Variants in HHAT observed in about 807,000 individuals in gnomAD.
HHAT encodes protein-cysteine N-palmitoyltransferase HHAT.
A neutral mutation model predicts 70.8 loss-of-function variants in HHAT; 47 were observed. The observed-to-expected ratio is 0.66, with a 90% CI of 0.53 to 0.85. HHAT has a LOEUF of 0.85. Among genes scored for constraint, HHAT ranks in the 40% least tolerant of loss-of-function variants. The pLI, the probability that HHAT is intolerant of heterozygous loss-of-function variation, is 0.00. For synonymous variants in HHAT, 228 were observed against 247.6 expected, an observed-to-expected ratio of 0.92 and a Z score of 0.74; for missense variants, 609 against 604.8, an observed-to-expected ratio of 1.01 and a Z score of -0.07.
chr1:210,370,681 C>T (rs2089488044), intron 3 of HHAT, among the ~76,000 whole-genome samples: 1 of 129,514 alleles, frequency 7.7e-6, no homozygotes, highest in Non-Finnish European at 1.5e-5. Context: ...GTGACATGAT[C>T]TTGGCTCACT....
chr1:210,515,757 C>CAAAA (rs34971563), intron 9 of HHAT, among the ~76,000 whole-genome samples: 84 of 80,210 alleles, frequency 1.0e-3, no homozygotes, highest in South Asian at 1.8e-3. Context: ...GACTCCGTCT[C>CAAAA]AAAAAAAAAA....
At chr1:210,503,772 C>T (rs923710823) in intron 8 of HHAT, among the ~76,000 whole-genome samples, 3 of 150,680 alleles carry the variant, frequency 2.0e-5, no homozygotes, top group South Asian at 2.1e-4. Flanking sequence ...TCAAAGTTGC[C>T]GGTGACCTTT....
At chr1:210,361,630 C>T (rs550547051) in intron 2 of HHAT, among the ~76,000 whole-genome samples, 2 of 152,110 alleles carry the variant, frequency 1.3e-5, no homozygotes, top group African/African-American at 4.8e-5. Flanking sequence ...ACAGCACTCT[C>T]TCCTGGGTTT....
intron 9 of HHAT, among the ~76,000 whole-genome samples, chr1:210,551,603 C>T (rs918561791): frequency 2.0e-5 from 3 of 152,148 alleles, no homozygotes; most frequent in African/African-American, 7.2e-5. Context: ...ATCAAAATGA[C>T]AGGAATCTTC....
At position 210,670,056 on chromosome 1, in the gene HHAT, G is replaced by C. The variant is rs185427006; in HGVS notation, c.1391-4232G>C. On this transcript the variant is annotated intron_variant, in intron 11 of 11. Coordinates refer to ENST00000261458, the MANE Select transcript of HHAT (RefSeq NM_018194.6). ...GGGGAGGAAGTCAGAGTTTGTCAGG[G>C]CAGAACCCTTTTTGACACCAACTTT... Among the ~76,000 whole-genome samples the C allele has an allele frequency of 1.1e-4, 16 of 152,280 alleles. No individual in the cohort carries two copies. The East Asian group carries it at 2.1e-3, about 20-fold the overall frequency.
At chr1:210,595,812 T>C (rs546079415) in intron 10 of HHAT, among the ~76,000 whole-genome samples, 42 of 152,298 alleles carry the variant, frequency 2.8e-4, no homozygotes, top group African/African-American at 1.0e-3. Flanking sequence ...TTGATGGGGT[T>C]GTTTGTTTTT....
At chr1:210,396,406 C>G (rs538575467) in intron 4 of HHAT, among the ~76,000 whole-genome samples, 96 of 152,280 alleles carry the variant, frequency 6.3e-4, no homozygotes, top group African/African-American at 2.2e-3. Context: ...TACACACTTA[C>G]CAGAATGGCT....
intron 9 of HHAT, among the ~76,000 whole-genome samples, chr1:210,531,811 G>T (rs79202022): frequency 0.037 from 5,598 of 152,080 alleles, 324 homozygotes; most frequent in African/African-American, 0.12. Context: ...CGACATAACT[G>T]TAACTAACAG....
intron 3 of HHAT, among the ~76,000 whole-genome samples, chr1:210,383,441 A>G (rs112341728): frequency 1.6e-3 from 250 of 152,328 alleles, no homozygotes; most frequent in African/African-American, 5.6e-3. Context: ...GGAGACAGTA[A>G]AAAGATCATT....
In HHAT at chr1:210,545,666, G is replaced by A. The variant is rs746776159; in HGVS notation, c.1043+32478G>A. 5.9e-5 allele frequency among the ~76,000 whole-genome samples: 9 copies of A among 152,018 alleles called. 1 individual carries two copies. The highest frequency in any genetic ancestry group is 1.0e-4 in the Non-Finnish European group (7 of 67,960). ...TGTCCAGGCTGGCCTCAAACTCCTG[G>A]GAACAAGAGATCCACCCACCTTGGC... On this transcript the variant is annotated intron_variant, in intron 9 of 11. Coordinates refer to ENST00000261458, the MANE Select transcript of HHAT (RefSeq NM_018194.6).
intron 11 of HHAT, among the ~76,000 whole-genome samples, chr1:210,661,908 A>C (rs931873669): frequency 2.0e-5 from 3 of 152,222 alleles, no homozygotes; most frequent in Non-Finnish European, 4.4e-5. Flanking sequence ...GGGTGCAGCA[A>C]ACCAACATGG....
chr1:210,654,145 A>T (rs2148942762), intron 11 of HHAT, among the ~76,000 whole-genome samples: 1 of 151,036 alleles, frequency 6.6e-6, no homozygotes, highest in South Asian at 2.1e-4. Flanking sequence ...TGATGGGAAT[A>T]GTGTGACAGT....
chr1:210,456,936 G>A (rs913257524), intron 7 of HHAT, among the ~76,000 whole-genome samples: 1 of 152,190 alleles, frequency 6.6e-6, no homozygotes, highest in South Asian at 2.1e-4. Flanking sequence ...CTGCTCTGGA[G>A]TATGTGGCAG....
At chr1:210,403,931 C>CTTTTTTTTTTTTTT (rs56979148) in intron 5 of HHAT, among the ~76,000 whole-genome samples, 1 of 141,286 alleles carries the variant, frequency 7.1e-6, no homozygotes, top group Non-Finnish European at 1.5e-5. Context: ...AGGGCAGGGA[C>CTTTTTTTTTTTTTT]TTTTTTTTTT....
chr1:210,654,094 G>GGAATAGTGTGACAGCA (rs199840090), intron 11 of HHAT, among the ~76,000 whole-genome samples: 1 of 30,276 alleles, frequency 3.3e-5, no homozygotes, highest in Non-Finnish European at 6.1e-5. Flanking sequence ...TAGTGTGACA[G>GGAATAGTGTGACAGCA]GAATAGTGTG....
chr1:210,513,181 T>C lies in HHAT; in HGVS notation c.1036T>C (p.Leu346=), dbSNP rs1392293855. ...TTTTGATGTTGGACTGCATAATTTC[T>C]TAATCAGGTAAGCCAATAATTTTTA... ...RYFDVGLHNF[L]IRYVYIPVGG... is the part of the protein sequence containing the mutation. The change falls in exon 9 of 12, where the codon TTA becomes CTA. Residue 346 remains leucine (L), a synonymous_variant. Transcript: ENST00000261458. The C allele has an allele frequency of 6.6e-7, 1 of 1,508,886 alleles. No individual in the cohort carries two copies. Among genetic ancestry groups the C allele is most frequent in the Non-Finnish European group, 9.2e-7 (1 of 1,089,278 alleles). 93.5% of individuals were successfully genotyped at this position (1,508,886 alleles called of 1,614,324 possible).
chr1:210,511,997 C>G (rs2094962564), intron 8 of HHAT, among the ~76,000 whole-genome samples: 1 of 152,054 alleles, frequency 6.6e-6, no homozygotes, highest in Non-Finnish European at 1.5e-5. Context: ...GCTACATGAT[C>G]AGAGGTTCAG....
At chr1:210,595,638 G>A (rs1002763371) in intron 10 of HHAT, among the ~76,000 whole-genome samples, 91 of 152,060 alleles carry the variant, frequency 6.0e-4, no homozygotes, top group Middle Eastern at 3.4e-3. Flanking sequence ...TTGTTTCCTG[G>A]CTTTTTAATG....
rs555941300 is a variant in HHAT at position 210,663,531 on chromosome 1, G to T, written c.1391-10757G>T. On this transcript the variant is annotated intron_variant, in intron 11 of 11. Transcript: ENST00000261458. ...TTAGTTTCCGTATCTACTAAATGGG[G>T]CTGGTGACACCTGTGTGATAAGGTG... is the stretch of plus-strand genomic sequence containing the variant. Among the ~76,000 whole-genome samples, 18 of 152,290 alleles carry T rather than the reference G, an allele frequency of 1.2e-4. No individual in the cohort carries two copies. In the South Asian group the frequency reaches 1.2e-3, roughly 11 times the overall value.
Sources: gnomAD v4.1 joint callset for allele counts (sites outside exome capture counted in the v4.1 genomes callset) on GRCh38, gnomAD v4.1.1 for gene constraint, MANE v1.5 for transcripts, NCBI Gene and HGNC (gene_info 2026-07-23, HGNC 2026-07-21) for gene names.